Variants in EVC observed in about 807,000 individuals in gnomAD.
EVC encodes the protein EvC ciliary complex subunit 1, also known as evC complex member EVC.
In EVC, 116 loss-of-function variants were observed where a neutral mutation model predicts 118.9. That is an observed-to-expected ratio of 0.98 (90% confidence interval 0.84 to 1.14). The LOEUF (loss-of-function observed/expected upper bound fraction) is 1.14, where lower values mean the gene tolerates loss of function less well. Ranked by LOEUF, EVC falls within the 50% of genes most tolerant of loss-of-function variation. EVC has a pLI of 0.00. For synonymous variants in EVC, 619 were observed against 534.7 expected (o/e 1.16, Z -2.18); for missense variants, 1,401 against 1,246.4 (o/e 1.12, Z -1.87).
In EVC at chr4:5,746,071, G is replaced by A. The variant is rs950508506; in HGVS notation, c.939+730G>A. Among the ~76,000 whole-genome samples, 1 of 152,180 alleles carries A rather than the reference G, an allele frequency of 6.6e-6. No homozygotes were observed. The highest frequency in any genetic ancestry group is 1.5e-5 in the Non-Finnish European group (1 of 68,034). On this transcript the variant is annotated intron_variant, in intron 7 of 20. Transcript: ENST00000264956. This position sits in a 1 kb window ranked among gnomAD's most constrained non-coding sequence, Gnocchi z 5.8. ...AAGTGTGGGTGCTGGCCAGTGGTGG[G>A]GCAGAGATGGGAGCTAAAGAGGGCT...
chr4:5,788,273 C>T (rs1361415481), intron 12 of EVC, among the ~76,000 whole-genome samples: 2 of 152,182 alleles, frequency 1.3e-5, no homozygotes, highest in Admixed American at 6.5e-5. Context: ...TGTTCAGGGC[C>T]TCTCACAAGG....
chr4:5,719,182 G>T lies in EVC; in HGVS notation c.175-66G>T, dbSNP rs556468809. On this transcript the variant is annotated intron_variant, in intron 1 of 20. Transcript: ENST00000264956. This position sits in a 1 kb window ranked among gnomAD's most constrained non-coding sequence, Gnocchi z 4.7. ...GTTGACTGGCAAAAGTCACGGTGGG[G>T]ACCAGGCCGACTGACCTCAATGTTG... The T allele has an allele frequency of 1.9e-6, 3 of 1,609,422 alleles. No homozygotes were observed. The highest frequency in any genetic ancestry group is 2.2e-5 in the East Asian group (1 of 44,806).
Position 5,731,466 on chromosome 4 carries a change from C to T in EVC, c.426C>T (p.Asn142=). ...DGSSNPSLHE[N]LKQAVLPHQP... is the part of the protein sequence containing the mutation. ...CCTCCAACCCGTCTCTGCATGAAAA[C>T]TTAAAGCAGGCTGTTTTGCCACACC... The change falls in exon 4 of 21, where the codon AAC becomes AAT. Residue 142 remains asparagine (N), a synonymous_variant. Transcript: ENST00000264956. This position sits in a 1 kb window ranked among gnomAD's most constrained non-coding sequence, Gnocchi z 5.6. 6.2e-7 allele frequency: 1 copy of T among 1,613,460 alleles called. No individual in the cohort carries two copies. The highest frequency in any genetic ancestry group is 8.5e-7 in the Non-Finnish European group (1 of 1,179,912).
chr4:5,723,363 T>C (rs918711063), intron 2 of EVC, among the ~76,000 whole-genome samples: 50 of 151,950 alleles, frequency 3.3e-4, no homozygotes, highest in African/African-American at 1.1e-3. Flanking sequence ...CTAATTTGTG[T>C]ATTTTTTAGT....
intron 13 of EVC, among the ~76,000 whole-genome samples, chr4:5,794,305 T>TA (rs1713411724): frequency 2.1e-5 from 2 of 96,366 alleles, no homozygotes; most frequent in African/African-American, 4.4e-5. Flanking sequence ...ATATTTATAT[T>TA]TTTATATATT....
chr4:5,808,569 A>G (rs1716387891), intron 18 of EVC, among the ~76,000 whole-genome samples: 1 of 152,214 alleles, frequency 6.6e-6, no homozygotes, highest in Non-Finnish European at 1.5e-5. Context: ...AAGCAGGGCC[A>G]GGCCCTGAGC....
At position 5,783,777 on chromosome 4, in the gene EVC, G is replaced by A; in HGVS notation, c.1776+13G>A. The A allele has an allele frequency of 1.9e-6, 3 of 1,595,614 alleles. No homozygotes were observed. Among genetic ancestry groups the A allele is most frequent in the Non-Finnish European group, 2.6e-6 (3 of 1,170,524 alleles). ...GCAAGACCAGCAGGTGCGGGCATTTGGGAACCCAGGGGCTGGGGTCTGCAT... is the reference window on the plus strand; with the variant it reads ...GCAAGACCAGCAGGTGCGGGCATTTAGGAACCCAGGGGCTGGGGTCTGCAT... On this transcript the variant is annotated intron_variant, in intron 12 of 20. Transcript: ENST00000264956.
At chr4:5,806,673 T>C (rs1238967821) in intron 17 of EVC, among the ~76,000 whole-genome samples, 1 of 152,252 alleles carries the variant, frequency 6.6e-6, no homozygotes, top group Non-Finnish European at 1.5e-5. Flanking sequence ...ATCTTTCTGA[T>C]ATACTGATTT....
In EVC at chr4:5,789,568, A is replaced by G. The variant is rs182716525; in HGVS notation, c.1777-4040A>G. Among the ~76,000 whole-genome samples, 3 of 152,318 alleles carry G rather than the reference A, an allele frequency of 2.0e-5. No individual in the cohort carries two copies. Among genetic ancestry groups the G allele is most frequent in the East Asian group, 3.9e-4 (2 of 5,186 alleles). On this transcript the variant is annotated intron_variant, in intron 12 of 20. Coordinates refer to ENST00000264956, the MANE Select transcript of EVC (RefSeq NM_153717.3). This position sits in a 1 kb window ranked among gnomAD's most constrained non-coding sequence, Gnocchi z 4.3. Reference sequence around the variant, plus strand: ...AACTTTCAGCACATGCTAGGCATCAATCAATAGATCTTTCCCTTTCTCCCC... The same window carrying G: ...AACTTTCAGCACATGCTAGGCATCAGTCAATAGATCTTTCCCTTTCTCCCC...
In EVC at chr4:5,812,190, TCCAGA is replaced by T. The variant is rs999623556; in HGVS notation, c.*1158_*1162del. On this transcript the variant is annotated 3_prime_UTR_variant, in exon 21 of 21. Coordinates refer to ENST00000264956, the MANE Select transcript of EVC (RefSeq NM_153717.3). ...GGCCTTTCTCACCTGGAGAGAAACT[TCCAGA>T]CCAGCCCCTCACACCACCGCCAGGA... is the stretch of plus-strand genomic sequence containing the variant. 5 of 151,424 alleles carry T rather than the reference TCCAGA, an allele frequency of 3.3e-5. No individual in the cohort carries two copies. The highest frequency in any genetic ancestry group is 1.4e-4 in the African/African-American group (5 of 35,918). The allele number at this position is 151,424 out of a possible 1,614,324, so 9.4% of individuals were successfully genotyped here. A position where few individuals can be genotyped will look rare whatever the true frequency, so the allele number is the denominator to read the frequency against.
rs1053017502 is a variant in EVC at position 5,732,223 on chromosome 4, C to T, written c.617+566C>T. The stretch of plus-strand genomic sequence containing the variant: ...TTTGACCCAACCCAGAGCAGGGCTC[C>T]GCACGTGGTGGGGGCTTAAGAAGCT... On this transcript the variant is annotated intron_variant, in intron 4 of 20. Transcript: ENST00000264956. 7.2e-5 allele frequency among the ~76,000 whole-genome samples: 11 copies of T among 152,194 alleles called. No homozygotes were observed. In the East Asian group the frequency reaches 9.7e-4, roughly 13 times the overall value.
chr4:5,797,446 C>T (rs779081741), intron 14 of EVC: 6 of 608,244 alleles, frequency 9.9e-6, no homozygotes, highest in South Asian at 1.9e-5. Context: ...GGCCAGAATT[C>T]GGAGATCAGG....
chr4:5,758,182 C>A (rs1731473013), intron 11 of EVC: 2 of 699,780 alleles, frequency 2.9e-6, no homozygotes, highest in South Asian at 3.0e-5. Flanking sequence ...CCTGCAGCCA[C>A]CAAAAGCCAG....
rs1727386675 is a variant in EVC, at chr4:5,734,674, A to C, written c.702+1239A>C. Among the ~76,000 whole-genome samples the C allele has an allele frequency of 4.6e-5, 7 of 152,288 alleles. No individual in the cohort carries two copies. The South Asian group carries it at 1.4e-3, about 32-fold the overall frequency. On this transcript the variant is annotated intron_variant, in intron 5 of 20. Coordinates refer to ENST00000264956, the MANE Select transcript of EVC (RefSeq NM_153717.3). ...CCTGTCTCAAAAAACAAAAAACAAG[A>C]ATAGCACACTGGGGATGTGCCTGGA...
chr4:5,783,883 G>C, intron 12 of EVC, 119 bp downstream of exon 12: 1 of 948,732 alleles, frequency 1.1e-6, no homozygotes, highest in South Asian at 1.5e-5. Context: ...CTACGGAGAT[G>C]ACTGTTGCCT....
chr4:5,816,571 C>T (rs575969142), downstream of EVC, among the ~76,000 whole-genome samples: 26 of 151,440 alleles, frequency 1.7e-4, no homozygotes, highest in African/African-American at 6.3e-4. Flanking sequence ...CCTCTCTTCA[C>T]TCCCTTCCTC....
At chr4:5,806,353 T>G (rs543591734) in intron 17 of EVC, among the ~76,000 whole-genome samples, 1 of 152,218 alleles carries the variant, frequency 6.6e-6, no homozygotes, top group South Asian at 2.1e-4. Context: ...GTGCTGGGAT[T>G]ACAGGTGTGA....
intron 12 of EVC, among the ~76,000 whole-genome samples, chr4:5,785,771 T>C (rs1208474923): frequency 6.6e-6 from 1 of 152,204 alleles, no homozygotes; most frequent in Non-Finnish European, 1.5e-5. Flanking sequence ...CCAGCAACAA[T>C]AATGCAGCTT....
chr4:5,720,991 C>T (rs1215810300), intron 2 of EVC, among the ~76,000 whole-genome samples: 4 of 152,102 alleles, frequency 2.6e-5, no homozygotes, highest in Non-Finnish European at 5.9e-5. Context: ...TGCCTCTCCA[C>T]GTGTGTCTGT....
Sources: allele counts gnomAD v4.1 joint callset (sites outside exome capture counted in the v4.1 genomes callset), GRCh38; gene constraint gnomAD v4.1.1; non-coding constraint Gnocchi (gnomAD v3.1); transcripts MANE v1.5; gene names NCBI Gene and HGNC (gene_info 2026-07-23, HGNC 2026-07-21).